SYT1: variants seen among roughly 807,000 people sequenced by gnomAD.
SYT1 encodes the protein synaptotagmin-1.
Under a neutral mutation model 44.8 loss-of-function variants are expected in SYT1, and 8 were observed. The observed-to-expected ratio is 0.18, with a 90% CI of 0.10 to 0.32. The LOEUF (loss-of-function observed/expected upper bound fraction) is 0.32. SYT1 is among the 10% of genes least tolerant of loss of function. The probability of loss-of-function intolerance (pLI) is 1.00; values close to 1 mark genes in which losing one functional copy is unlikely to be tolerated. For missense variants in SYT1, 286 were observed against 509.3 expected (o/e 0.56, Z 4.22); for synonymous variants, 154 against 188.8 (o/e 0.82, Z 1.51).
intron 4 of SYT1, among the ~76,000 whole-genome samples, chr12:79,234,280 T>G (rs1159387964): frequency 1.3e-5 from 2 of 152,214 alleles, no homozygotes; most frequent in Non-Finnish European, 2.9e-5. Flanking sequence ...TTTTGTTAAA[T>G]TAACTTTATT....
At chr12:79,200,179 G>GTTTCCAAGACATAGAAAGCAA (rs1873696492) in intron 3 of SYT1, among the ~76,000 whole-genome samples, 2 of 152,182 alleles carry the variant, frequency 1.3e-5, no homozygotes, top group East Asian at 1.9e-4. Context: ...ATTCTGAACC[G>GTTTCCAAGACATAGAAAGCAA]TTTCCAAGAC....
intron 8 of SYT1, among the ~76,000 whole-genome samples, chr12:79,323,607 G>A (rs1366402341): frequency 6.6e-6 from 1 of 152,114 alleles, no homozygotes; most frequent in Non-Finnish European, 1.5e-5. Flanking sequence ...GCCTTTAGCT[G>A]TCATATCTGA....
At chr12:78,964,732 T>C (rs1032779891) in intron 1 of SYT1, among the ~76,000 whole-genome samples, 7 of 152,198 alleles carry the variant, frequency 4.6e-5, no homozygotes, top group Non-Finnish European at 1.0e-4. Flanking sequence ...CTCAGTCTCC[T>C]CTCACAGCAG....
intron 6 of SYT1, among the ~76,000 whole-genome samples, chr12:79,292,748 A>C (rs1439814782): frequency 6.6e-6 from 1 of 152,098 alleles, no homozygotes; most frequent in Non-Finnish European, 1.5e-5. Context: ...GAACTAAAGG[A>C]GGTAACAAAA....
intron 3 of SYT1, among the ~76,000 whole-genome samples, chr12:79,159,670 A>G (rs1470473097): frequency 6.6e-6 from 1 of 152,182 alleles, no homozygotes; most frequent in Admixed American, 6.6e-5. Flanking sequence ...TCAGGCCTCC[A>G]CTGGGGAAAT....
intron 9 of SYT1, among the ~76,000 whole-genome samples, chr12:79,369,569 A>G (rs1457310436): frequency 6.6e-6 from 1 of 152,236 alleles, no homozygotes; most frequent in Non-Finnish European, 1.5e-5. Flanking sequence ...AAATAAAGAT[A>G]TGTTTAGTAT....
chr12:79,170,457 G>A (rs764768141), intron 3 of SYT1, among the ~76,000 whole-genome samples: 71 of 151,886 alleles, frequency 4.7e-4, no homozygotes, highest in Non-Finnish European at 7.7e-4. Context: ...CAGTAATGTC[G>A]AACTTTTTTT....
chr12:79,365,525 C>G (rs749416516), intron 9 of SYT1, among the ~76,000 whole-genome samples: 1 of 152,028 alleles, frequency 6.6e-6, no homozygotes, highest in Non-Finnish European at 1.5e-5. Flanking sequence ...GAGTAACACA[C>G]GAAAAGAAAG....
intron 2 of SYT1, among the ~76,000 whole-genome samples, chr12:79,023,567 C>G (rs1872328705): frequency 6.6e-6 from 1 of 151,786 alleles, no homozygotes; most frequent in African/African-American, 2.4e-5. Flanking sequence ...TCCTCTGGGA[C>G]CAGATATTGA....
At chr12:79,014,097 C>T (rs1183113914) in intron 2 of SYT1, among the ~76,000 whole-genome samples, 2 of 139,350 alleles carry the variant, frequency 1.4e-5, no homozygotes, top group Admixed American at 7.6e-5. Context: ...TGCACTCCAG[C>T]CTGGCAACAG....
chr12:78,876,756 T>TTA (rs1170394424), intron 1 of SYT1, among the ~76,000 whole-genome samples: 7 of 73,386 alleles, frequency 9.5e-5, no homozygotes, highest in Admixed American at 8.8e-4. Context: ...ATATTGTATA[T>TTA]TATATATATT....
rs1871252274 is a variant in SYT1, at chr12:79,008,907, C to T, written c.-84+30976C>T. Among the ~76,000 whole-genome samples, 3 of 152,154 alleles carry T rather than the reference C, an allele frequency of 2.0e-5. No individual in the cohort carries two copies. The South Asian group carries it at 6.2e-4, about 32-fold the overall frequency. ...TCCATGAACTGATTTTCTCTACTAC[C>T]TAGAAAAGAAAATATGATTCAAGAA... On this transcript the variant is annotated intron_variant, in intron 2 of 10. Coordinates refer to ENST00000261205, the MANE Select transcript of SYT1 (RefSeq NM_005639.3).
At chr12:79,153,236 A>G (rs1870389238) in intron 3 of SYT1, among the ~76,000 whole-genome samples, 1 of 152,144 alleles carries the variant, frequency 6.6e-6, no homozygotes, top group Admixed American at 6.6e-5. Context: ...GAAAATAAAA[A>G]CCTTAAATTT....
chr12:79,089,485 T>G (rs1313120430), intron 3 of SYT1, among the ~76,000 whole-genome samples: 5 of 138,842 alleles, frequency 3.6e-5, no homozygotes, highest in East Asian at 2.1e-4. Flanking sequence ...TAATCACTTG[T>G]GGAAGTCAAC....
At chr12:78,920,190 T>A (rs1160864208) in intron 1 of SYT1, among the ~76,000 whole-genome samples, 2 of 152,006 alleles carry the variant, frequency 1.3e-5, no homozygotes, top group Non-Finnish European at 2.9e-5. Context: ...TAAATTAAAA[T>A]CTTGGAAATC....
chr12:79,130,268 G>T (rs1356615328), intron 3 of SYT1, among the ~76,000 whole-genome samples: 5 of 152,170 alleles, frequency 3.3e-5, no homozygotes, highest in Non-Finnish European at 7.4e-5. Flanking sequence ...AAATTTAAAA[G>T]TATTAGTTGA....
At chr12:79,178,280 C>T (rs543154526) in intron 3 of SYT1, among the ~76,000 whole-genome samples, 215 of 152,064 alleles carry the variant, frequency 1.4e-3, no homozygotes, top group African/African-American at 4.9e-3. Context: ...TGTTCTCTTC[C>T]TTTTACTTAA....
At chr12:79,003,174 AT>A (rs1397854998) in intron 2 of SYT1, among the ~76,000 whole-genome samples, 11 of 152,052 alleles carry the variant, frequency 7.2e-5, no homozygotes, top group South Asian at 2.1e-4. Context: ...ACTTCATTCC[AT>A]TTTTTTCCCC....
intron 3 of SYT1, among the ~76,000 whole-genome samples, chr12:79,120,648 G>A (rs1255146032): frequency 1.3e-5 from 2 of 152,074 alleles, no homozygotes; most frequent in Non-Finnish European, 2.9e-5. Context: ...TCAGCTGAGT[G>A]AACTGTAAGC....
Sources: gnomAD v4.1 joint callset for allele counts (sites outside exome capture counted in the v4.1 genomes callset) on GRCh38, gnomAD v4.1.1 for gene constraint, MANE v1.5 for transcripts, NCBI Gene and HGNC (gene_info 2026-07-23, HGNC 2026-07-21) for gene names.